Variants in KITLG observed in about 807,000 individuals in gnomAD.
The protein encoded by KITLG is KIT ligand.
In KITLG, 13 loss-of-function variants were observed where a neutral mutation model predicts 34.1. That is an observed-to-expected ratio of 0.38 (90% CI 0.25 to 0.61). The LOEUF is 0.61. Ranked by LOEUF, KITLG falls within the 20% of genes least tolerant of loss-of-function variation. The pLI, the probability that KITLG is intolerant of heterozygous loss-of-function variation, is 0.60. For synonymous variants in KITLG, 110 were observed against 104.0 expected, an observed-to-expected ratio of 1.06 and a Z score of -0.35; for missense variants, 292 against 318.9, an observed-to-expected ratio of 0.92 and a Z score of 0.64.
At chr12:88,530,122 G>A (rs1870029637) in intron 3 of KITLG, among the ~76,000 whole-genome samples, 2 of 152,144 alleles carry the variant, frequency 1.3e-5, no homozygotes, top group African/African-American at 4.8e-5. Context: ...AGAGCAGCAG[G>A]TTATCTTTGG....
chr12:88,549,854 C>T (rs1870834840), intron 1 of KITLG, among the ~76,000 whole-genome samples: 1 of 151,990 alleles, frequency 6.6e-6, no homozygotes, highest in Non-Finnish European at 1.5e-5. Flanking sequence ...AGGGATCTGA[C>T]AGAAGAGTGA....
Position 88,565,141 on chromosome 12 carries a change from C to G in KITLG, c.15+15123G>C, listed in dbSNP as rs540933059. The stretch of plus-strand genomic sequence containing the variant: ...TTGTCATATTTCTGTCTTTCAACTC[C>G]TTTTAGACAAAGACTATACATCTCA... On this transcript the variant is annotated intron_variant, in intron 1 of 9. Coordinates refer to ENST00000644744, the MANE Select transcript of KITLG (RefSeq NM_000899.5). Among the ~76,000 whole-genome samples the G allele has an allele frequency of 8.5e-4, 130 of 152,276 alleles. 2 individuals are homozygous for G. The highest frequency in any genetic ancestry group is 3.0e-3 in the African/African-American group (123 of 41,556).
In KITLG at chr12:88,573,829, C is replaced by A. The variant is rs139763908; in HGVS notation, c.15+6435G>T. On this transcript the variant is annotated intron_variant, in intron 1 of 9. Coordinates refer to ENST00000644744, the MANE Select transcript of KITLG (RefSeq NM_000899.5). The stretch of plus-strand genomic sequence containing the variant: ...ACCGATGAGTTTGCGGTGGTCCTTT[C>A]ATGTCCTTTTACATGGTCACCCTAA... Among the ~76,000 whole-genome samples the A allele has an allele frequency of 1.6e-4, 24 of 152,246 alleles. No homozygotes were observed. In the East Asian group the frequency reaches 4.5e-3, roughly 28 times the overall value.
intron 1 of KITLG, among the ~76,000 whole-genome samples, chr12:88,562,919 T>C (rs145656963): frequency 2.6e-5 from 4 of 152,140 alleles, no homozygotes; most frequent in African/African-American, 9.6e-5. Context: ...TAAAGTGGAG[T>C]TTCTTTCCTT....
chr12:88,509,515 T>C (rs1869195671), intron 6 of KITLG, among the ~76,000 whole-genome samples: 1 of 152,278 alleles, frequency 6.6e-6, no homozygotes, highest in Non-Finnish European at 1.5e-5. Context: ...ATGTTGACAG[T>C]TCCATCCCTA....
chr12:88,521,194 T>C (rs542309403), intron 3 of KITLG, among the ~76,000 whole-genome samples: 1 of 152,320 alleles, frequency 6.6e-6, no homozygotes, highest in South Asian at 2.1e-4. Context: ...TTTAAGATTC[T>C]TGAGTTTATT....
chr12:88,556,263 T>G (rs1592582706), intron 1 of KITLG, among the ~76,000 whole-genome samples: 1 of 148,490 alleles, frequency 6.7e-6, no homozygotes, highest in Non-Finnish European at 1.5e-5. Context: ...GCAGAGGCCC[T>G]CCTTGCTAAT....
At chr12:88,509,221 T>C (rs1869184445) in intron 6 of KITLG, among the ~76,000 whole-genome samples, 1 of 152,182 alleles carries the variant, frequency 6.6e-6, no homozygotes, top group Admixed American at 6.5e-5. Context: ...TTATCTACGT[T>C]GGGTCAGCCA....
intron 1 of KITLG, among the ~76,000 whole-genome samples, chr12:88,550,293 G>A (rs1235899622): frequency 6.6e-6 from 1 of 152,182 alleles, no homozygotes; most frequent in Admixed American, 6.5e-5. Context: ...ATGAGTGTAT[G>A]CCTATGGGAA....
At chr12:88,525,514 T>C (rs1460351601) in intron 3 of KITLG, among the ~76,000 whole-genome samples, 1 of 152,152 alleles carries the variant, frequency 6.6e-6, no homozygotes, top group Admixed American at 6.5e-5. Flanking sequence ...GCTCTGTAGA[T>C]AGTCAAAATA....
intron 2 of KITLG, among the ~76,000 whole-genome samples, chr12:88,543,889 G>A (rs935635774): frequency 6.6e-6 from 1 of 152,056 alleles, no homozygotes; most frequent in African/African-American, 2.4e-5. Context: ...AAGATCATGT[G>A]CATGTTTGCT....
chr12:88,509,895 T>C (rs1018620273), intron 6 of KITLG, among the ~76,000 whole-genome samples: 1 of 152,110 alleles, frequency 6.6e-6, no homozygotes, highest in African/African-American at 2.4e-5. Flanking sequence ...AGATTTGAAT[T>C]GCATGCCTCA....
chr12:88,573,753 T>C (rs1319943121), intron 1 of KITLG, among the ~76,000 whole-genome samples: 1 of 152,226 alleles, frequency 6.6e-6, no homozygotes, highest in Non-Finnish European at 1.5e-5. Context: ...AATTATGCAG[T>C]GGGGATGCCC....
chr12:88,559,994 A>C (rs939443020), intron 1 of KITLG, among the ~76,000 whole-genome samples: 3 of 152,250 alleles, frequency 2.0e-5, no homozygotes, highest in Non-Finnish European at 4.4e-5. Flanking sequence ...AGATGATGAC[A>C]TTTAAAACAG....
chr12:88,506,277 C>G, intron 8 of KITLG, 34 bp downstream of exon 8: 1 of 1,434,264 alleles, frequency 7.0e-7, no homozygotes, highest in Non-Finnish European at 9.8e-7. Context: ...CAATGTCATG[C>G]TTGATTGGGC....
At chr12:88,537,701 CTT>C (rs1870379699) in intron 2 of KITLG, among the ~76,000 whole-genome samples, 1 of 151,710 alleles carries the variant, frequency 6.6e-6, no homozygotes, top group African/African-American at 2.4e-5. Context: ...ATCTGAAACA[CTT>C]TTGGTCCCAA....
intron 2 of KITLG, among the ~76,000 whole-genome samples, chr12:88,537,155 C>T (rs966842793): frequency 6.6e-6 from 1 of 151,990 alleles, no homozygotes; most frequent in African/African-American, 2.4e-5. Context: ...AGTCCTTCTA[C>T]CAAATAAACC....
At position 88,516,318 on chromosome 12, in the gene KITLG, T is replaced by C. The variant is rs1367558672; in HGVS notation, c.520+16A>G. 6.2e-7 allele frequency: 1 copy of C among 1,605,932 alleles called. No individual in the cohort carries two copies. Among genetic ancestry groups the C allele is most frequent in the Non-Finnish European group, 8.5e-7 (1 of 1,173,914 alleles). On this transcript the variant is annotated intron_variant, in intron 5 of 9. Transcript: ENST00000644744. ...TTGTTGTTTACATTTGAACTGGAAATGCTTACATGTCTTACCTTTCTCAGG... is the reference window on the plus strand; with the variant it reads ...TTGTTGTTTACATTTGAACTGGAAACGCTTACATGTCTTACCTTTCTCAGG...
intron 1 of KITLG, among the ~76,000 whole-genome samples, chr12:88,551,625 C>G (rs910632770): frequency 6.6e-6 from 1 of 152,152 alleles, no homozygotes; most frequent in African/African-American, 2.4e-5. Context: ...CTGTTTCCCC[C>G]AGATTGTCAG....
Sources: gnomAD v4.1 joint callset for allele counts (sites outside exome capture counted in the v4.1 genomes callset) on GRCh38, gnomAD v4.1.1 for gene constraint, MANE v1.5 for transcripts, NCBI Gene and HGNC (gene_info 2026-07-23, HGNC 2026-07-21) for gene names.